CCR3: variants seen among roughly 807,000 people sequenced by gnomAD.
CCR3 encodes the protein C-C motif chemokine receptor 3.
For synonymous variants in CCR3, 203 were observed against 179.2 expected (o/e 1.13, Z -1.06); for missense variants, 419 against 437.5 (o/e 0.96, Z 0.38).
At chr3:46,250,563 G>A (rs1006637255) in intron 1 of CCR3, among the ~76,000 whole-genome samples, 5 of 152,120 alleles carry the variant, frequency 3.3e-5, no homozygotes, top group Non-Finnish European at 7.3e-5. Flanking sequence ...AGATCTTGTA[G>A]GATGGAGAAA....
intron 1 of CCR3, among the ~76,000 whole-genome samples, chr3:46,261,360 A>G (rs1311119773): frequency 6.6e-6 from 1 of 152,244 alleles, no homozygotes; most frequent in Non-Finnish European, 1.5e-5. Context: ...CAGAAATAAG[A>G]TATCAATAGA....
intron 2 of CCR3, among the ~76,000 whole-genome samples, chr3:46,217,763 C>A (rs1309263383): frequency 2.6e-5 from 4 of 151,920 alleles, no homozygotes; most frequent in Non-Finnish European, 5.9e-5. Context: ...ATTCTTTGAA[C>A]TGAATGACAA....
At chr3:46,239,656 G>A (rs1700059484), upstream of CCR3, among the ~76,000 whole-genome samples, 1 of 152,156 alleles carries the variant, frequency 6.6e-6, no homozygotes. Flanking sequence ...TGTGAGCTTG[G>A]ACAGGTCACT....
chr3:46,214,105 C>A (rs1699747221), intron 2 of CCR3, among the ~76,000 whole-genome samples: 1 of 152,204 alleles, frequency 6.6e-6, no homozygotes, highest in Non-Finnish European at 1.5e-5. Context: ...CCTTAATGCC[C>A]ATCAACTGCA....
chr3:46,234,063 G>A (rs1054511586), intron 2 of CCR3, among the ~76,000 whole-genome samples: 1 of 152,262 alleles, frequency 6.6e-6, no homozygotes, highest in African/African-American at 2.4e-5. Context: ...TGTAGTGCCT[G>A]TGCATGCATC....
intron 2 of CCR3, among the ~76,000 whole-genome samples, chr3:46,234,036 A>G (rs1285731980): frequency 6.6e-6 from 1 of 152,246 alleles, no homozygotes; most frequent in Non-Finnish European, 1.5e-5. Flanking sequence ...GACAATGGAC[A>G]GGGGGCAGTA....
At chr3:46,264,994 C>T in intron 1 of CCR3, 154 bp from the exon 2 acceptor site, 1 of 608,354 alleles carries the variant, frequency 1.6e-6, no homozygotes. Flanking sequence ...TTTCCTGGCA[C>T]CTCTGATATG....
At chr3:46,220,898 C>CACTA (rs2125923464) in intron 2 of CCR3, among the ~76,000 whole-genome samples, 1 of 152,274 alleles carries the variant, frequency 6.6e-6, no homozygotes, top group African/African-American at 2.4e-5. Context: ...ACGCTGGGTG[C>CACTA]AGTGTACACT....
At chr3:46,255,912 G>A (rs771780095) in intron 1 of CCR3, among the ~76,000 whole-genome samples, 2 of 151,306 alleles carry the variant, frequency 1.3e-5, no homozygotes, top group Non-Finnish European at 2.9e-5. Context: ...TGAATTTTGG[G>A]ATTTTTTTTC....
chr3:46,265,717 T>C lies in CCR3; in HGVS notation c.559T>C (p.Tyr187His), dbSNP rs755913380. 6.2e-7 allele frequency: 1 copy of C among 1,613,990 alleles called. No homozygotes were observed. Among genetic ancestry groups the C allele is most frequent in the Non-Finnish European group, 8.5e-7 (1 of 1,179,984 alleles). Residue 187 changes from tyrosine (Y) to histidine (H), a missense_variant, in exon 2 of 2, where the codon TAC becomes CAC. Transcript: ENST00000395940. ...TGAAGAGACTCTTTGCAGTGCTCTT[T>C]ACCCAGAGGATACAGTATATAGCTG... ...LFEETLCSAL[Y>H]PEDTVYSWRH...
chr3:46,233,860 A>G (rs1274015325), intron 2 of CCR3, among the ~76,000 whole-genome samples: 7 of 152,224 alleles, frequency 4.6e-5, no homozygotes, highest in African/African-American at 1.4e-4. Flanking sequence ...CCATGTGGCT[A>G]GCCCAAGCTC....
Position 46,266,557 on chromosome 3 carries a change from T to C in CCR3, c.*331T>C, listed in dbSNP as rs1700639172. 1 of 229,530 alleles carries C rather than the reference T, an allele frequency of 4.4e-6. No individual in the cohort carries two copies. The highest frequency in any genetic ancestry group is 2.3e-5 in the African/African-American group (1 of 43,776). The allele number at this position is 229,530 out of a possible 1,614,324, so 14.2% of individuals were successfully genotyped here. A position where few individuals can be genotyped will look rare whatever the true frequency, so the allele number is the denominator to read the frequency against. ...CAAAAAGGTAAAACTTTTTATATTT[T>C]ATACATTAACTTCAGCCAGCTATTG... is the stretch of plus-strand genomic sequence containing the variant. On this transcript the variant is annotated 3_prime_UTR_variant, in exon 2 of 2. Coordinates refer to ENST00000395940, the MANE Select transcript of CCR3 (RefSeq NM_178329.3).
At chr3:46,224,530 G>C (rs1317986107) in intron 2 of CCR3, among the ~76,000 whole-genome samples, 2 of 151,904 alleles carry the variant, frequency 1.3e-5, no homozygotes, top group African/African-American at 4.8e-5. Flanking sequence ...CTGAGGTGAG[G>C]AGTTTGAGAT....
intron 1 of CCR3, among the ~76,000 whole-genome samples, chr3:46,252,694 AG>A (rs1479693037): frequency 6.6e-6 from 1 of 152,150 alleles, no homozygotes; most frequent in African/African-American, 2.4e-5. Flanking sequence ...GGAAACAAGA[AG>A]GGATAGCTGG....
Position 46,266,185 on chromosome 3 carries a change from T to A in CCR3, c.1027T>A (p.Ser343Thr), listed in dbSNP as rs1700631077. 3 of 1,613,732 alleles carry A rather than the reference T, an allele frequency of 1.9e-6. No homozygotes were observed. The African/African-American group carries it at 4.0e-5, about 22-fold the overall frequency. ...GAAGCTGGAAAGAACCAGCTCTGTC[T>A]CTCCATCCACAGCAGAGCCGGAACT... Reference protein sequence around the residue: ...SEKLERTSSVSPSTAEPELSI... With the variant: ...SEKLERTSSVTPSTAEPELSI... Residue 343 changes from serine to threonine, a missense_variant, in exon 2 of 2, where the codon TCT (serine) becomes ACT (threonine). By Grantham distance (58) the Ser-to-Thr change is moderately conservative. Transcript: ENST00000395940.
At chr3:46,253,012 A>G (rs934841666) in intron 1 of CCR3, among the ~76,000 whole-genome samples, 1 of 152,140 alleles carries the variant, frequency 6.6e-6, no homozygotes, top group Non-Finnish European at 1.5e-5. Flanking sequence ...CCAGAAGAGC[A>G]TTAAGAACCA....
intron 1 of CCR3, chr3:46,264,629 A>G: frequency 1.8e-6 from 1 of 562,864 alleles, no homozygotes; most frequent in Non-Finnish European, 3.1e-6. Flanking sequence ...CCCATTAACT[A>G]TAATGAATGG....
At chr3:46,234,487 G>A (rs1042897079) in intron 2 of CCR3, among the ~76,000 whole-genome samples, 1 of 152,096 alleles carries the variant, frequency 6.6e-6, no homozygotes, top group Non-Finnish European at 1.5e-5. Flanking sequence ...GGCTCCAGAT[G>A]TTATCTGGAG....
rs1243517546 is a variant in CCR3 at position 46,265,095 on chromosome 3, C to T, written c.-11-53C>T. Reference sequence around the variant, plus strand: ...TGAATAAATCAACTGGTGTGTTTTACGAAGGATGATTATGCTTCATTGTGG... The same window carrying T: ...TGAATAAATCAACTGGTGTGTTTTATGAAGGATGATTATGCTTCATTGTGG... On this transcript the variant is annotated intron_variant, in intron 1 of 1. Transcript: ENST00000395940. 45 of 1,193,196 alleles carry T rather than the reference C, an allele frequency of 3.8e-5. No individual in the cohort carries two copies. The South Asian group carries it at 5.5e-4, about 15-fold the overall frequency. 73.9% of individuals were successfully genotyped at this position (1,193,196 alleles called of 1,614,324 possible). A position where few individuals can be genotyped will look rare whatever the true frequency, so the allele number is the denominator to read the frequency against.
Sources: allele counts gnomAD v4.1 joint callset (sites outside exome capture counted in the v4.1 genomes callset), GRCh38; gene constraint gnomAD v4.1.1; transcripts MANE v1.5; gene names NCBI Gene and HGNC (gene_info 2026-07-23, HGNC 2026-07-21).